Variants in ADGRG4 observed in about 807,000 individuals in gnomAD.
ADGRG4 encodes the protein adhesion G protein-coupled receptor G4, also known as G protein-coupled receptor 112.
In ADGRG4, 122 loss-of-function variants were observed where a neutral mutation model predicts 126.2. The observed-to-expected ratio is 0.97, with a 90% CI of 0.83 to 1.12. The LOEUF (loss-of-function observed/expected upper bound fraction) is 1.12. Among genes scored for constraint, ADGRG4 ranks in the 50% most tolerant of loss-of-function variants. ADGRG4 has a pLI of 0.00. For synonymous variants in ADGRG4, 943 were observed against 838.7 expected, an observed-to-expected ratio of 1.12 and a Z score of -2.15; for missense variants, 2,481 against 2,251.8, an observed-to-expected ratio of 1.10 and a Z score of -2.06.
intron 8 of ADGRG4, among the ~76,000 whole-genome samples, chrX:136,354,242 A>G (rs1021644732): frequency 2.7e-5 from 3 of 111,844 alleles, no homozygotes; most frequent in African/African-American, 9.8e-5. Flanking sequence ...TTGAGTTACT[A>G]TAACAAAAAT....
intron 24 of ADGRG4, among the ~76,000 whole-genome samples, chrX:136,413,826 C>T (rs1029349912): frequency 1.6e-4 from 18 of 109,612 alleles, no homozygotes; most frequent in Admixed American, 8.7e-4. Context: ...CCGCAACTTC[C>T]GCCTCCCGGG....
chrX:136,383,392 A>G (rs1360835406), intron 15 of ADGRG4, among the ~76,000 whole-genome samples: 1 of 111,799 alleles, frequency 8.9e-6, no homozygotes, highest in Non-Finnish European at 1.9e-5. Flanking sequence ...CATATTTATC[A>G]TTATTAAATA....
Position 136,397,919 on chromosome X carries a change from G to C in ADGRG4, c.8223G>C (p.Gln2741His). 2 of 1,198,636 alleles carry C rather than the reference G, an allele frequency of 1.7e-6. No homozygotes were observed. The highest frequency in any genetic ancestry group is 2.3e-6 in the Non-Finnish European group (2 of 883,564). Residue 2741 changes from glutamine to histidine, a missense_variant, in exon 20 of 26, where the codon CAG (glutamine) becomes CAC (histidine). Transcript: ENST00000394143. ...SRSTVDSVNE[Q>H]ILALITYTGC... is the part of the protein sequence containing the mutation. Reference sequence around the variant, plus strand: ...CTACAGTGGATTCAGTGAATGAACAGATATTAGCGCTTATAACATACACCG... The same window carrying C: ...CTACAGTGGATTCAGTGAATGAACACATATTAGCGCTTATAACATACACCG...
At chrX:136,330,552 T>C (rs2074903052) in intron 5 of ADGRG4, among the ~76,000 whole-genome samples, 1 of 111,430 alleles carries the variant, frequency 9.0e-6, no homozygotes, top group South Asian at 3.8e-4. Context: ...GATTTCAATT[T>C]TTTGCTGTTA....
At position 136,346,128 on chromosome X, in the gene ADGRG4, A is replaced by G. The variant is rs2075015374; in HGVS notation, c.2422A>G (p.Thr808Ala). The G allele has an allele frequency of 2.5e-6, 3 of 1,209,814 alleles. No individual in the cohort carries two copies. Among genetic ancestry groups the G allele is most frequent in the Admixed American group, 2.2e-5 (1 of 45,910 alleles). ...NFSTEESASE[T>A]TQTEINGAIV... Reference sequence around the variant, plus strand: ...TTCTACTGAGGAAAGTGCTTCTGAGACCACACAAACAGAAATAAATGGTGC... The same window carrying G: ...TTCTACTGAGGAAAGTGCTTCTGAGGCCACACAAACAGAAATAAATGGTGC... The change falls in exon 6 of 26, where the codon ACC (threonine) becomes GCC (alanine). Residue 808 changes from threonine (T) to alanine (A), a missense_variant. Thr to Ala is a moderately conservative substitution (Grantham distance 58). Transcript: ENST00000394143.
intron 4 of ADGRG4, among the ~76,000 whole-genome samples, chrX:136,319,891 C>T (rs908587110): frequency 3.6e-4 from 40 of 111,623 alleles, no homozygotes; most frequent in African/African-American, 1.3e-3. Context: ...TTAAAACATG[C>T]AAATATGCTG....
chrX:136,359,273 T>A lies in ADGRG4; in HGVS notation c.6981-19T>A. 2.5e-6 allele frequency: 3 copies of A among 1,184,925 alleles called. No individual in the cohort carries two copies. The highest frequency in any genetic ancestry group is 3.4e-6 in the Non-Finnish European group (3 of 883,063). On this transcript the variant is annotated intron_variant, in intron 10 of 25. Transcript: ENST00000394143. Reference sequence around the variant, plus strand: ...TTGACATAACTGCAACAATCTTTCTTTTTTATTCTGCTTTGTAGTTGTGTT... The same window carrying A: ...TTGACATAACTGCAACAATCTTTCTATTTTATTCTGCTTTGTAGTTGTGTT...
rs1444262278 is a variant in ADGRG4, at chrX:136,414,229, A to C, written c.9107A>C (p.Lys3036Thr). 1 of 1,201,752 alleles carries C rather than the reference A, an allele frequency of 8.3e-7. No individual in the cohort carries two copies. Among genetic ancestry groups the C allele is most frequent in the Admixed American group, 2.2e-5 (1 of 45,687 alleles). ...GGACTAAAGAAAATCTTTGAGCACA[A>C]ACTGTTGACGCCATCTCTCAAGTCA... ...QEGLKKIFEH[K>T]LLTPSLKSTA... The change falls in exon 25 of 26, where the codon AAA becomes ACA. Residue 3036 changes from lysine to threonine, a missense_variant. By Grantham distance (78) the Lys-to-Thr change is moderately conservative (BLOSUM62 -1). Transcript: ENST00000394143.
intron 24 of ADGRG4, among the ~76,000 whole-genome samples, 172 bp from the exon 25 acceptor site, chrX:136,413,988 G>C (rs981378876): frequency 2.7e-5 from 3 of 111,510 alleles, no homozygotes; most frequent in Admixed American, 1.9e-4. Context: ...TGATCCGCCC[G>C]CCTCGGCCTC....
At chrX:136,409,418 G>A (rs184636075) in intron 23 of ADGRG4, among the ~76,000 whole-genome samples, 13 of 111,356 alleles carry the variant, frequency 1.2e-4, no homozygotes, top group South Asian at 3.8e-4. Context: ...CTTTTAAGTC[G>A]GAAAACTAAA....
Position 136,348,346 on chromosome X carries a change from G to T in ADGRG4, c.4640G>T (p.Cys1547Phe), listed in dbSNP as rs2075034438. The change falls in exon 6 of 26, where the codon TGT (cysteine) becomes TTT (phenylalanine). Residue 1547 changes from cysteine (C) to phenylalanine (F), a missense_variant. Physicochemically the swap from Cys to Phe is radical, Grantham distance 205. Transcript: ENST00000394143. Reference protein sequence around the residue: ...TKSSKTMHPGCLKSPCTATSG... With the variant: ...TKSSKTMHPGFLKSPCTATSG... ...TCTTCTAAAACAATGCATCCAGGTT[G>T]TTTGAAAAGTCCCTGTACAGCCACT... is the stretch of plus-strand genomic sequence containing the variant. The T allele has an allele frequency of 8.3e-7, 1 of 1,210,208 alleles. No homozygotes were observed. Among genetic ancestry groups the T allele is most frequent in the African/African-American group, 1.7e-5 (1 of 57,707 alleles).
intron 21 of ADGRG4, among the ~76,000 whole-genome samples, chrX:136,401,183 C>T (rs1275475253): frequency 8.9e-6 from 1 of 111,789 alleles, no homozygotes; most frequent in African/African-American, 3.3e-5. Context: ...TTTTAGTACA[C>T]TTCGGAATCC....
intron 11 of ADGRG4, 62 bp downstream of exon 11, chrX:136,359,517 A>G (rs2075114860): frequency 2.3e-6 from 2 of 851,648 alleles, no homozygotes; most frequent in African/African-American, 4.2e-5. Flanking sequence ...TAAAACTCAT[A>G]ATGCATACTT....
chrX:136,334,877 A>G (rs966123981), intron 5 of ADGRG4, among the ~76,000 whole-genome samples: 2 of 111,564 alleles, frequency 1.8e-5, no homozygotes, highest in Non-Finnish European at 3.8e-5. Flanking sequence ...ATGCCTTAAA[A>G]AATTTTTTTT....
intron 2 of ADGRG4, among the ~76,000 whole-genome samples, chrX:136,304,612 T>C (rs1248720303): frequency 1.8e-5 from 2 of 112,437 alleles, no homozygotes; most frequent in Non-Finnish European, 3.8e-5. Context: ...ACAGGATGTG[T>C]TTCCCTGTCC....
At chrX:136,354,208 G>A (rs1411287782) in intron 8 of ADGRG4, among the ~76,000 whole-genome samples, 5 of 111,741 alleles carry the variant, frequency 4.5e-5, no homozygotes, top group African/African-American at 1.6e-4. Context: ...GTAAATGTAC[G>A]GTAGGTTATT....
intron 5 of ADGRG4, among the ~76,000 whole-genome samples, chrX:136,343,775 T>C (rs1304862834): frequency 8.9e-6 from 1 of 111,920 alleles, no homozygotes; most frequent in Non-Finnish European, 1.9e-5. Context: ...CTATGCTAAG[T>C]GTTTTATGCA....
At chrX:136,311,692 A>G (rs940227156) in intron 4 of ADGRG4, among the ~76,000 whole-genome samples, 8 of 110,793 alleles carry the variant, frequency 7.2e-5, no homozygotes, top group Non-Finnish European at 1.5e-4. Context: ...TTGACACAGG[A>G]AAGCCCCAGA....
intron 5 of ADGRG4, among the ~76,000 whole-genome samples, chrX:136,339,446 T>C (rs1003790681): frequency 1.8e-5 from 2 of 111,754 alleles, no homozygotes; most frequent in African/African-American, 3.3e-5. Context: ...AGAGTGCTTC[T>C]CTTGGTTGCT....
Sources: gnomAD v4.1 joint callset for allele counts (sites outside exome capture counted in the v4.1 genomes callset) on GRCh38, gnomAD v4.1.1 for gene constraint, MANE v1.5 for transcripts, NCBI Gene and HGNC (gene_info 2026-07-23, HGNC 2026-07-21) for gene names.